The following CPA3 variants were observed in gnomAD, a reference collection of about 807,000 sequenced individuals.
CPA3 encodes mast cell carboxypeptidase A.
In CPA3, 52 loss-of-function variants were observed where a neutral mutation model predicts 55.8. That is an observed-to-expected ratio of 0.93 (90% confidence interval 0.75 to 1.17). CPA3 has a LOEUF of 1.17. Among genes scored for constraint, CPA3 ranks in the 50% most tolerant of loss-of-function variants. The pLI is 0.00. For missense variants in CPA3, 547 were observed against 509.1 expected, an observed-to-expected ratio of 1.07 and a Z score of -0.72; for synonymous variants, 179 against 171.2, an observed-to-expected ratio of 1.05 and a Z score of -0.36.
At chr3:148,894,839 T>A (rs1305358561) in intron 10 of CPA3, among the ~76,000 whole-genome samples, 2 of 152,190 alleles carry the variant, frequency 1.3e-5, no homozygotes. Context: ...ACATTCATTT[T>A]TCCAAGCTCT....
chr3:148,886,115 C>T lies in CPA3; in HGVS notation c.1004C>T (p.Thr335Ile). The change falls in exon 10 of 11, where the codon ACT becomes ATT. Residue 335 changes from threonine (T) to isoleucine (I), a missense_variant. Coordinates refer to ENST00000296046, the MANE Select transcript of CPA3 (RefSeq NM_001870.4). ...EDLAKVAKIG[T>I]DVLSTRYETR... ...CAGGCCAAAGTTGCAAAGATTGGCA[C>T]TGATGTTCTATCAACTCGATATGAA... The T allele has an allele frequency of 1.9e-6, 3 of 1,613,642 alleles. No individual in the cohort carries two copies. The highest frequency in any genetic ancestry group is 2.5e-6 in the Non-Finnish European group (3 of 1,179,748).
At position 148,886,532 on chromosome 3, in the gene CPA3, G is replaced by GA. The variant is rs142879873; in HGVS notation, c.1066+368dup. Among the ~76,000 whole-genome samples, 1,107 of 144,282 alleles carry GA rather than the reference G, an allele frequency of 7.7e-3. 13 individuals are homozygous for GA. Among genetic ancestry groups the GA allele is most frequent in the African/African-American group, 0.023 (927 of 39,464 alleles). 94.7% of individuals were successfully genotyped at this position (144,282 alleles called of 152,430 possible). The stretch of plus-strand genomic sequence containing the variant: ...AACTAATGAGAATTCACTGGAGTGA[G>GA]AAAAAAAAAAAAATTAGCCAGGCAT... On this transcript the variant is annotated intron_variant, in intron 10 of 10. Transcript: ENST00000296046.
chr3:148,879,442 G>A (rs532264368), intron 5 of CPA3, among the ~76,000 whole-genome samples: 1 of 152,220 alleles, frequency 6.6e-6, no homozygotes, highest in East Asian at 1.9e-4. Flanking sequence ...AAAAACAAAA[G>A]GAAGTGGCAG....
intron 7 of CPA3, among the ~76,000 whole-genome samples, chr3:148,881,861 A>T (rs1043972654): frequency 6.6e-6 from 1 of 152,224 alleles, no homozygotes; most frequent in African/African-American, 2.4e-5. Context: ...AATGAAATAA[A>T]GTAGTAATTA....
At chr3:148,884,991 C>A (rs1714489715) in intron 9 of CPA3, among the ~76,000 whole-genome samples, 1 of 152,014 alleles carries the variant, frequency 6.6e-6, no homozygotes, top group South Asian at 2.1e-4. Flanking sequence ...TTTGTGAGTG[C>A]AAATATGTTA....
Position 148,879,831 on chromosome 3 carries a change from G to T in CPA3, c.518G>T (p.Cys173Phe). The change falls in exon 6 of 11, where the codon TGT becomes TTT. Residue 173 changes from cysteine (C) to phenylalanine (F), a missense_variant. Physicochemically the swap from Cys to Phe is radical, Grantham distance 205. Coordinates refer to ENST00000296046, the MANE Select transcript of CPA3 (RefSeq NM_001870.4). ...AGAAGAAAGGCTATTTTTACGGATTGTGGCATTCACGCACGAGAATGGGTC... is the reference window on the plus strand; with the variant it reads ...AGAAGAAAGGCTATTTTTACGGATTTTGGCATTCACGCACGAGAATGGGTC... ...NERRKAIFTD[C>F]GIHAREWVSP... 1 of 1,612,724 alleles carries T rather than the reference G, an allele frequency of 6.2e-7. No homozygotes were observed. The highest frequency in any genetic ancestry group is 8.5e-7 in the Non-Finnish European group (1 of 1,178,884).
chr3:148,883,598 C>T lies in CPA3; in HGVS notation c.779-15C>T, dbSNP rs1223480779. The stretch of plus-strand genomic sequence containing the variant: ...GGGAGCAGACTGTGGTCTCATCCAC[C>T]TATGTCTTCTGCAGCCATTCCTAAC... On this transcript the variant is annotated splice_polypyrimidine_tract_variant and intron_variant, in intron 8 of 10. Coordinates refer to ENST00000296046, the MANE Select transcript of CPA3 (RefSeq NM_001870.4). 1 of 1,610,076 alleles carries T rather than the reference C, an allele frequency of 6.2e-7. No homozygotes were observed. The highest frequency in any genetic ancestry group is 1.1e-5 in the South Asian group (1 of 90,992).
In CPA3 at chr3:148,886,150, A is replaced by T; in HGVS notation, c.1039A>T (p.Ile347Phe). 1.2e-6 allele frequency: 2 copies of T among 1,612,984 alleles called. No individual in the cohort carries two copies. Among genetic ancestry groups the T allele is most frequent in the Non-Finnish European group, 1.7e-6 (2 of 1,179,282 alleles). Residue 347 changes from isoleucine (I) to phenylalanine (F), a missense_variant, in exon 10 of 11, where the codon ATC (isoleucine) becomes TTC (phenylalanine). Ile to Phe is a conservative substitution (Grantham distance 21). Coordinates refer to ENST00000296046, the MANE Select transcript of CPA3 (RefSeq NM_001870.4). ...VLSTRYETRY[I>F]YGPIESTIYP... ...ATCAACTCGATATGAAACCCGCTAC[A>T]TCTATGGCCCAATAGAATCAACAAT...
rs1275808254 is a variant in CPA3 at position 148,896,643 on chromosome 3, C to T, written c.1190C>T (p.Thr397Met). 3.2e-6 allele frequency: 5 copies of T among 1,585,454 alleles called. No homozygotes were observed. The highest frequency in any genetic ancestry group is 2.3e-5 in the East Asian group (1 of 44,426). The stretch of plus-strand genomic sequence containing the variant: ...CTTCCAGAATCCCGGATAAAGCCAA[C>T]GTGCAGAGAGACCATGCTAGCTGTC... ...FLLPESRIKP[T>M]CRETMLAVKF... Residue 397 changes from threonine (T) to methionine (M), a missense_variant, in exon 11 of 11, where the codon ACG (threonine) becomes ATG (methionine). Transcript: ENST00000296046.
intron 10 of CPA3, among the ~76,000 whole-genome samples, chr3:148,894,774 G>A (rs1714778932): frequency 1.3e-5 from 2 of 152,034 alleles, no homozygotes; most frequent in South Asian, 4.2e-4. Flanking sequence ...AGAAAATAAT[G>A]ATCCTAAATG....
chr3:148,870,689 G>A (rs567207174), intron 3 of CPA3, among the ~76,000 whole-genome samples: 73 of 152,062 alleles, frequency 4.8e-4, no homozygotes, highest in African/African-American at 1.6e-3. Flanking sequence ...AAAACTAATT[G>A]ATACCAGCTT....
chr3:148,882,546 C>T lies in CPA3; in HGVS notation c.729C>T (p.Ser243=), dbSNP rs748494421. The change falls in exon 8 of 11, where the codon TCC becomes TCT. Residue 243 remains serine (S), a synonymous_variant. Coordinates refer to ENST00000296046, the MANE Select transcript of CPA3 (RefSeq NM_001870.4). ...WRKNRSKNQN[S]KCIGTDLNRN... is the part of the protein sequence containing the mutation. The stretch of plus-strand genomic sequence containing the variant: ...AAAATCGTTCCAAGAACCAAAACTC[C>T]AAATGCATCGGCACTGACCTCAACA... 8.1e-6 allele frequency: 13 copies of T among 1,613,728 alleles called. No homozygotes were observed. In the East Asian group the frequency reaches 2.7e-4, roughly 33 times the overall value.
intron 5 of CPA3, among the ~76,000 whole-genome samples, chr3:148,879,410 T>C (rs1714299769): frequency 6.6e-6 from 1 of 152,120 alleles, no homozygotes; most frequent in Non-Finnish European, 1.5e-5. Flanking sequence ...CCAGGGTAAA[T>C]ATCCCCAGTT....
At chr3:148,891,019 C>T (rs930626276) in intron 10 of CPA3, among the ~76,000 whole-genome samples, 1 of 152,178 alleles carries the variant, frequency 6.6e-6, no homozygotes, top group African/African-American at 2.4e-5. Flanking sequence ...TAGCACAGTA[C>T]AATGATTAAC....
chr3:148,866,769 T>A (rs1300924800), intron 2 of CPA3, among the ~76,000 whole-genome samples: 2 of 152,144 alleles, frequency 1.3e-5, no homozygotes, highest in Non-Finnish European at 2.9e-5. Context: ...TTGTTTGTTA[T>A]TGTTTTTGTT....
intron 3 of CPA3, among the ~76,000 whole-genome samples, chr3:148,869,322 C>T (rs1268257854): frequency 6.6e-6 from 1 of 152,106 alleles, no homozygotes; most frequent in African/African-American, 2.4e-5. Flanking sequence ...CCCTCATAAG[C>T]ACAGAGCCCA....
chr3:148,879,885 A>C lies in CPA3; in HGVS notation c.572A>C (p.Tyr191Ser). The change falls in exon 6 of 11, where the codon TAT becomes TCT. Residue 191 changes from tyrosine to serine, a missense_variant. Physicochemically the swap from Tyr to Ser is moderately radical, Grantham distance 144 (BLOSUM62 -2). Transcript: ENST00000296046. ...VSPAFCQWFV[Y>S]QATKTYGRNK... ...CCAGCATTCTGCCAGTGGTTTGTCT[A>C]TCAGGTAAGTGAATCAGAAGACTCC... 1.2e-6 allele frequency: 2 copies of C among 1,608,402 alleles called. No individual in the cohort carries two copies. The highest frequency in any genetic ancestry group is 3.3e-5 in the Admixed American group (2 of 59,970).
chr3:148,878,824 C>T (rs1714283392), intron 5 of CPA3, 76 bp downstream of exon 5: 1 of 844,346 alleles, frequency 1.2e-6, no homozygotes, highest in Admixed American at 2.2e-5. Context: ...TGTAACACAA[C>T]TAAGCTAATT....
rs748842657 is a variant in CPA3 at position 148,878,627 on chromosome 3, A to C, written c.373-20A>C. 1 of 1,585,842 alleles carries C rather than the reference A, an allele frequency of 6.3e-7. No individual in the cohort carries two copies. Among genetic ancestry groups the C allele is most frequent in the Non-Finnish European group, 8.6e-7 (1 of 1,161,074 alleles). On this transcript the variant is annotated intron_variant, in intron 4 of 10. Transcript: ENST00000296046. ...TGTTTTCTTTTATTCTAATTTCTCA[A>C]AATTGATTTTGCTCTTAAGATTGTG...
Sources: allele counts gnomAD v4.1 joint callset (sites outside exome capture counted in the v4.1 genomes callset), GRCh38; gene constraint gnomAD v4.1.1; transcripts MANE v1.5; gene names NCBI Gene and HGNC (gene_info 2026-07-23, HGNC 2026-07-21).